The following BAHCC1 variants were observed in gnomAD, a reference collection of about 807,000 sequenced individuals.
BAHCC1 encodes the protein BAH domain and coiled-coil containing 1.
A neutral mutation model predicts 88.2 loss-of-function variants in BAHCC1; 43 were observed. The observed-to-expected ratio is 0.49, with a 90% CI of 0.38 to 0.63. The LOEUF is 0.63. Ranked by LOEUF, BAHCC1 falls within the 20% of genes least tolerant of loss-of-function variation. BAHCC1 has a pLI of 0.00. For missense variants in BAHCC1, 3,023 were observed against 1,654.8 expected (o/e 1.83, Z -14.34); for synonymous variants, 1,510 against 745.5 (o/e 2.03, Z -16.71).
chr17:81,446,103 G>A (rs1003522230), intron 10 of BAHCC1, among the ~76,000 whole-genome samples: 30 of 151,978 alleles, frequency 2.0e-4, no homozygotes, highest in Non-Finnish European at 3.5e-4. Context: ...GGGGGGTCTC[G>A]GGCCTGGCCT....
At chr17:81,455,618 C>T (rs375345225) in intron 15 of BAHCC1, among the ~76,000 whole-genome samples, 1 of 152,220 alleles carries the variant, frequency 6.6e-6, no homozygotes, top group East Asian at 1.9e-4. Flanking sequence ...CACGTCACTC[C>T]ACCCTCCTCG....
rs781972425 is a variant in BAHCC1, at chr17:81,458,281, G to A, written c.5158G>A (p.Gly1720Ser). ...AGGGCAGAGGCCCCCAGGTGCGCTG[G>A]GCAAGAAGAAAGCCAAGGGCAAGGC... ...APGQRPPGAL[G>S]KKKAKGKAKG... The change falls in exon 18 of 28, where the codon GGC becomes AGC. Residue 1720 changes from glycine to serine, a missense_variant. Coordinates refer to ENST00000675386, the MANE Select transcript of BAHCC1 (RefSeq NM_001377448.1). 3.1e-5 allele frequency: 23 copies of A among 749,162 alleles called. No individual in the cohort carries two copies. The African/African-American group carries it at 3.9e-4, about 13-fold the overall frequency. 46.4% of individuals were successfully genotyped at this position (749,162 alleles called of 1,614,324 possible). A position where few individuals can be genotyped will look rare whatever the true frequency, so the allele number is the denominator to read the frequency against.
Position 81,443,432 on chromosome 17 carries a change from G to A in BAHCC1, c.2083G>A (p.Asp695Asn), listed in dbSNP as rs782459147. ...RSREHDTTHG[D>N]GEVRQPPVGI... ...CAGGGAGCACGACACCACGCACGGC[G>A]ACGGGGAGGTGCGGCAGCCCCCTGT... Residue 695 changes from aspartate to asparagine, a missense_variant, in exon 5 of 28, where the codon GAC becomes AAC. Transcript: ENST00000675386. The A allele has an allele frequency of 9.2e-6, 7 of 757,100 alleles. No homozygotes were observed. Among genetic ancestry groups the A allele is most frequent in the East Asian group, 2.5e-5 (1 of 39,904 alleles). 46.9% of individuals were successfully genotyped at this position (757,100 alleles called of 1,614,324 possible).
At chr17:81,402,164 G>A (rs2063824847) in intron 2 of BAHCC1, 1 of 152,186 alleles carries the variant, frequency 6.6e-6, no homozygotes, top group South Asian at 2.1e-4. Flanking sequence ...GAAGGGTCAT[G>A]TGTCCCCGTC....
At chr17:81,414,860 G>A (rs797041755) in intron 2 of BAHCC1, among the ~76,000 whole-genome samples, 83 of 152,284 alleles carry the variant, frequency 5.5e-4, no homozygotes, top group African/African-American at 2.0e-3. Context: ...GCCACGCTGC[G>A]CTGAGAAGTC....
In BAHCC1 at chr17:81,444,706, G is replaced by C. The variant is rs201560909; in HGVS notation, c.2551G>C (p.Gly851Arg). ...HPALHQNLPPGFPASVAGPVP... is the reference protein window; with the variant it reads ...HPALHQNLPPRFPASVAGPVP... ...TGCCCTGCACCAGAACCTGCCCCCCGGCTTCCCCGCCTCCGTGGCTGGCCC... is the reference window on the plus strand; with the variant it reads ...TGCCCTGCACCAGAACCTGCCCCCCCGCTTCCCCGCCTCCGTGGCTGGCCC... Residue 851 changes from glycine to arginine, a missense_variant, in exon 8 of 28, where the codon GGC becomes CGC. Physicochemically the swap from Gly to Arg is moderately radical, Grantham distance 125 (BLOSUM62 -2). Coordinates refer to ENST00000675386, the MANE Select transcript of BAHCC1 (RefSeq NM_001377448.1). 1 of 776,812 alleles carries C rather than the reference G, an allele frequency of 1.3e-6. No homozygotes were observed. Among genetic ancestry groups the C allele is most frequent in the Non-Finnish European group, 2.4e-6 (1 of 417,616 alleles). The allele number at this position is 776,812 out of a possible 1,614,324, so 48.1% of individuals were successfully genotyped here.
intron 3 of BAHCC1, among the ~76,000 whole-genome samples, chr17:81,427,497 T>G (rs1302605722): frequency 6.6e-6 from 1 of 152,112 alleles, no homozygotes; most frequent in Non-Finnish European, 1.5e-5. Context: ...GGACACACAG[T>G]AGGTGCCTCG....
intron 3 of BAHCC1, among the ~76,000 whole-genome samples, chr17:81,431,737 G>C (rs1446787986): frequency 6.6e-6 from 1 of 152,216 alleles, no homozygotes; most frequent in East Asian, 1.9e-4. Context: ...TTACAGCTGA[G>C]GAAACTGAGG....
chr17:81,400,219 T>C (rs978242101), intron 2 of BAHCC1, among the ~76,000 whole-genome samples: 14 of 152,126 alleles, frequency 9.2e-5, no homozygotes, highest in African/African-American at 3.1e-4. Context: ...CCTGCAGATC[T>C]AAATTCCACG....
intron 2 of BAHCC1, among the ~76,000 whole-genome samples, chr17:81,406,515 C>A (rs1454257980): frequency 6.6e-6 from 1 of 152,234 alleles, no homozygotes; most frequent in African/African-American, 2.4e-5. Context: ...GGAAAATCAC[C>A]CGCAGCCCAG....
intron 2 of BAHCC1, chr17:81,421,950 G>A: frequency 2.3e-6 from 1 of 430,282 alleles, no homozygotes; most frequent in Non-Finnish European, 4.7e-6. Context: ...CCCAGAAGTG[G>A]TCCCAGAACG....
chr17:81,434,200 T>A lies in BAHCC1; in HGVS notation c.359-4170T>A, dbSNP rs2143459897. 6.6e-6 allele frequency among the ~76,000 whole-genome samples: 1 copy of A among 152,234 alleles called. No individual in the cohort carries two copies. The highest frequency in any genetic ancestry group is 1.9e-4 in the East Asian group (1 of 5,168). ...GCTGGACAGTGGGTATTTGAGACAGTGCCCACAGCCTCCCACGTTCCCCAG... is the reference window on the plus strand; with the variant it reads ...GCTGGACAGTGGGTATTTGAGACAGAGCCCACAGCCTCCCACGTTCCCCAG... On this transcript the variant is annotated intron_variant, in intron 3 of 27. Transcript: ENST00000675386. This position sits in a 1 kb window ranked among gnomAD's most constrained non-coding sequence, Gnocchi z 4.9.
At chr17:81,410,694 C>T (rs1440309354) in intron 2 of BAHCC1, among the ~76,000 whole-genome samples, 1 of 152,170 alleles carries the variant, frequency 6.6e-6, no homozygotes, top group African/African-American at 2.4e-5. Flanking sequence ...CGTGGCCTTC[C>T]GGGTCTACTG....
chr17:81,454,067 ATC>A (rs2064698530), intron 14 of BAHCC1, among the ~76,000 whole-genome samples: 2 of 152,196 alleles, frequency 1.3e-5, no homozygotes, highest in South Asian at 4.1e-4. Flanking sequence ...GCAGCTGGGT[ATC>A]CCTTTGCACC....
Position 81,451,999 on chromosome 17 carries a change from G to A in BAHCC1, c.4208G>A (p.Arg1403Gln), listed in dbSNP as rs35572189. 216,201 of 631,950 alleles carry A rather than the reference G, an allele frequency of 0.34. 38,238 individuals are homozygous for A. The highest frequency in any genetic ancestry group is 0.36 in the Non-Finnish European group (128,215 of 354,762). The allele number at this position is 631,950 out of a possible 1,614,324, so 39.1% of individuals were successfully genotyped here. ...TGCCCCCTGAAGGCCGCCATCGACC[G>A]GCTGGACACGCAGGAGGTGGGGATG... ...PVCPLKAAIDRLDTQEVGMRV... is the reference protein window; with the variant it reads ...PVCPLKAAIDQLDTQEVGMRV... The change falls in exon 13 of 28, where the codon CGG (arginine) becomes CAG (glutamine). Residue 1403 changes from arginine (R) to glutamine (Q), a missense_variant. Arg to Gln is a conservative substitution (Grantham distance 43). Transcript: ENST00000675386.
chr17:81,429,268 G>A (rs1477099287), intron 3 of BAHCC1, among the ~76,000 whole-genome samples: 6 of 152,240 alleles, frequency 3.9e-5, no homozygotes, highest in Non-Finnish European at 8.8e-5. Flanking sequence ...ATGGGTGTGG[G>A]TGCCCCCCGA....
intron 2 of BAHCC1, among the ~76,000 whole-genome samples, chr17:81,405,430 C>T (rs1311264831): frequency 2.0e-5 from 3 of 152,122 alleles, no homozygotes; most frequent in African/African-American, 4.8e-5. Context: ...TAAACATCCA[C>T]CCTGGGGTTG....
rs1022653664 is a variant in BAHCC1, at chr17:81,439,516, A to G, written c.481+1024A>G. Among the ~76,000 whole-genome samples, 3 of 135,406 alleles carry G rather than the reference A, an allele frequency of 2.2e-5. No individual in the cohort carries two copies. In the Admixed American group the frequency reaches 2.3e-4, roughly 10 times the overall value. The allele number at this position is 135,406 out of a possible 152,430, so 88.8% of individuals were successfully genotyped here. A position where few individuals can be genotyped will look rare whatever the true frequency, so the allele number is the denominator to read the frequency against. ...GCAGAGGGGCTGGGGCGTCTCCCCA[A>G]GGGGATCCGAGAGGTGTCTGGACAC... On this transcript the variant is annotated intron_variant, in intron 4 of 27. Transcript: ENST00000675386.
chr17:81,428,301 C>T (rs1371964760), intron 3 of BAHCC1, among the ~76,000 whole-genome samples: 5 of 152,338 alleles, frequency 3.3e-5, no homozygotes, highest in South Asian at 2.1e-4. Context: ...GCAAACGCCC[C>T]GGCCAGCCAC....
Sources: allele counts gnomAD v4.1 joint callset (sites outside exome capture counted in the v4.1 genomes callset), GRCh38; gene constraint gnomAD v4.1.1; non-coding constraint Gnocchi (gnomAD v3.1); transcripts MANE v1.5; gene names NCBI Gene and HGNC (gene_info 2026-07-23, HGNC 2026-07-21).